The following SLC44A5 variants were observed in gnomAD, a reference collection of about 807,000 sequenced individuals.
The protein encoded by SLC44A5 is choline transporter-like protein 5.
Under a neutral mutation model 101.8 loss-of-function variants are expected in SLC44A5, and 57 were observed. That is an observed-to-expected ratio of 0.56 (90% CI 0.45 to 0.70). The LOEUF (loss-of-function observed/expected upper bound fraction) is 0.70. SLC44A5 is among the 30% of genes least tolerant of loss of function. The pLI, the probability that SLC44A5 is intolerant of heterozygous loss-of-function variation, is 0.00. For synonymous variants in SLC44A5, 281 were observed against 290.9 expected (o/e 0.97, Z 0.35); for missense variants, 737 against 853.1 (o/e 0.86, Z 1.70).
intron 2 of SLC44A5, among the ~76,000 whole-genome samples, chr1:75,520,570 A>G (rs1045424373): frequency 1.3e-5 from 2 of 152,110 alleles, no homozygotes; most frequent in Non-Finnish European, 2.9e-5. Flanking sequence ...AAAGAATGAG[A>G]AAGAGGAGGG....
At chr1:75,707,395 G>A in the SLC44A5 span, among the ~76,000 whole-genome samples, 36,641 of 152,020 alleles carry the variant, frequency 0.24, 4,733 homozygotes, top group Non-Finnish European at 0.3. Flanking sequence ...TCCTTTCTGA[G>A]AACTTCATGT....
the SLC44A5 span, among the ~76,000 whole-genome samples, chr1:75,686,975 T>G: frequency 3.3e-5 from 5 of 152,218 alleles, no homozygotes; most frequent in African/African-American, 1.2e-4. Flanking sequence ...TGGTAAATAC[T>G]AATGCTTTTT....
intron 14 of SLC44A5, among the ~76,000 whole-genome samples, chr1:75,220,182 G>A (rs889217044): frequency 3.1e-4 from 47 of 151,886 alleles, no homozygotes; most frequent in Middle Eastern, 3.4e-3. Context: ...TCTTCCTTTC[G>A]TTTAGATTCT....
the SLC44A5 span, among the ~76,000 whole-genome samples, chr1:75,684,157 C>T: frequency 3.3e-5 from 5 of 152,138 alleles, no homozygotes; most frequent in African/African-American, 4.8e-5. Flanking sequence ...TCTCCTGAGA[C>T]TTATTCATTA....
intron 2 of SLC44A5, among the ~76,000 whole-genome samples, chr1:75,532,808 G>A (rs563425803): frequency 2.6e-5 from 4 of 152,138 alleles, no homozygotes; most frequent in African/African-American, 9.7e-5. Flanking sequence ...GGGAGGCCAA[G>A]GTGGGCAGAT....
intron 2 of SLC44A5, among the ~76,000 whole-genome samples, chr1:75,452,796 G>A (rs565631697): frequency 1.3e-4 from 20 of 152,094 alleles, no homozygotes; most frequent in African/African-American, 4.8e-4. Flanking sequence ...GGGCAAAGGG[G>A]GGCATTACAA....
chr1:75,624,337 C>T, the SLC44A5 span, among the ~76,000 whole-genome samples: 1 of 152,012 alleles, frequency 6.6e-6, no homozygotes, highest in Admixed American at 6.6e-5. Flanking sequence ...TTTTGCAATG[C>T]CCAATGTAAT....
chr1:75,606,779 G>A (rs147677833), intron 1 of SLC44A5, among the ~76,000 whole-genome samples: 1,737 of 151,992 alleles, frequency 0.011, 40 homozygotes, highest in African/African-American at 0.04. Flanking sequence ...TGACCTATGG[G>A]CAGCGTTTGA....
chr1:75,328,671 T>G (rs1656792958), intron 4 of SLC44A5, among the ~76,000 whole-genome samples: 1 of 152,176 alleles, frequency 6.6e-6, no homozygotes, highest in Non-Finnish European at 1.5e-5. Flanking sequence ...CATATGGCCC[T>G]CCTTAATTCC....
chr1:75,625,452 G>A, the SLC44A5 span, among the ~76,000 whole-genome samples: 84 of 152,224 alleles, frequency 5.5e-4, no homozygotes, highest in African/African-American at 1.7e-3. Flanking sequence ...AATTCAAGGC[G>A]TAATTAGCCA....
chr1:75,439,545 C>A (rs1341236697), intron 2 of SLC44A5, among the ~76,000 whole-genome samples: 1 of 142,206 alleles, frequency 7.0e-6, no homozygotes, highest in Non-Finnish European at 1.5e-5. Context: ...TAGTGAGACC[C>A]TGTCTCTAAG....
intron 12 of SLC44A5, among the ~76,000 whole-genome samples, chr1:75,229,951 A>G (rs1340447242): frequency 6.6e-6 from 1 of 152,168 alleles, no homozygotes; most frequent in Non-Finnish European, 1.5e-5. Flanking sequence ...GCTTTCAAAT[A>G]TGGTTGATAT....
chr1:75,587,746 C>G (rs1674097475), intron 1 of SLC44A5, among the ~76,000 whole-genome samples: 3 of 152,180 alleles, frequency 2.0e-5, no homozygotes, highest in Admixed American at 6.5e-5. Context: ...GCAACTTTCA[C>G]AGTCAAGAGC....
At chr1:75,353,864 C>A (rs1402112686) in intron 3 of SLC44A5, 1 of 172,346 alleles carries the variant, frequency 5.8e-6, no homozygotes, top group Non-Finnish European at 1.3e-5. Context: ...GTAGTCATTC[C>A]CTCCTGCTAA....
At chr1:75,538,230 T>A (rs1017575130) in intron 2 of SLC44A5, 2 of 152,180 alleles carry the variant, frequency 1.3e-5, no homozygotes, top group Non-Finnish European at 2.9e-5. Context: ...ATTGTCTTTA[T>A]CTTCATTTGT....
At chr1:75,680,018 C>T in the SLC44A5 span, among the ~76,000 whole-genome samples, 2 of 152,126 alleles carry the variant, frequency 1.3e-5, no homozygotes, top group African/African-American at 4.8e-5. Flanking sequence ...ACAAAGAAGG[C>T]CATTACATAA....
At chr1:75,505,381 T>C (rs1166455044) in intron 2 of SLC44A5, among the ~76,000 whole-genome samples, 1 of 152,284 alleles carries the variant, frequency 6.6e-6, no homozygotes, top group African/African-American at 2.4e-5. Flanking sequence ...ACTAATGGGA[T>C]AGCTGGAATA....
the SLC44A5 span, among the ~76,000 whole-genome samples, chr1:75,636,736 A>T: frequency 6.6e-6 from 1 of 152,148 alleles, no homozygotes; most frequent in Admixed American, 6.6e-5. Flanking sequence ...TGGAAATAAT[A>T]AAGTTAACAA....
the SLC44A5 span, among the ~76,000 whole-genome samples, chr1:75,640,011 G>A: frequency 2.6e-5 from 4 of 151,952 alleles, no homozygotes; most frequent in East Asian, 1.9e-4. Flanking sequence ...TTTTTAGGTC[G>A]TTGTACTGAA....
Sources: allele counts gnomAD v4.1 joint callset (sites outside exome capture counted in the v4.1 genomes callset), GRCh38; gene constraint gnomAD v4.1.1; transcripts MANE v1.5; gene names NCBI Gene and HGNC (gene_info 2026-07-23, HGNC 2026-07-21).